ZBTB20: variants seen among roughly 807,000 people sequenced by gnomAD.
ZBTB20 encodes zinc finger and BTB domain containing 20.
A neutral mutation model predicts 56.9 loss-of-function variants in ZBTB20; 9 were observed. That is an observed-to-expected ratio of 0.16 (90% CI 0.10 to 0.28). The LOEUF (loss-of-function observed/expected upper bound fraction) is 0.28. ZBTB20 is among the 10% of genes least tolerant of loss of function. ZBTB20 has a pLI of 1.00. For missense variants in ZBTB20, 655 were observed against 1,003.0 expected (o/e 0.65, Z 4.69); for synonymous variants, 417 against 420.7 (o/e 0.99, Z 0.11).
At chr3:114,570,325 T>C (rs114712971) in intron 6 of ZBTB20, among the ~76,000 whole-genome samples, 14,255 of 151,790 alleles carry the variant, frequency 0.094, 797 homozygotes, top group African/African-American at 0.14. Flanking sequence ...CTGCCACTTA[T>C]TGAGTAAATA....
intron 1 of ZBTB20, among the ~76,000 whole-genome samples, chr3:115,095,329 GT>G (rs2083340958): frequency 6.6e-6 from 1 of 152,066 alleles, no homozygotes. Context: ...GGTTGCATTG[GT>G]TAACTGAACT....
intron 1 of ZBTB20, among the ~76,000 whole-genome samples, chr3:115,086,732 A>G (rs1456617321): frequency 1.3e-5 from 2 of 151,794 alleles, no homozygotes; most frequent in Non-Finnish European, 2.9e-5. Flanking sequence ...TTTCCAAATC[A>G]AAATTTAGAG....
At chr3:114,482,374 C>T (rs994180356) in intron 7 of ZBTB20, among the ~76,000 whole-genome samples, 3 of 152,118 alleles carry the variant, frequency 2.0e-5, no homozygotes, top group Non-Finnish European at 4.4e-5. Flanking sequence ...TTTCATATTG[C>T]ATTTGGATGG....
intron 2 of ZBTB20, among the ~76,000 whole-genome samples, chr3:115,010,078 A>C (rs540980892): frequency 6.6e-5 from 10 of 151,986 alleles, no homozygotes; most frequent in Non-Finnish European, 1.2e-4. Context: ...GCAAAAAACA[A>C]AACAATGAGC....
At chr3:114,986,851 T>C (rs181101548) in intron 2 of ZBTB20, among the ~76,000 whole-genome samples, 26 of 152,288 alleles carry the variant, frequency 1.7e-4, no homozygotes, top group African/African-American at 5.8e-4. Flanking sequence ...TTAGCAATGT[T>C]ATCATTTTCT....
chr3:114,744,793 T>C (rs1214501513), intron 5 of ZBTB20, among the ~76,000 whole-genome samples: 1 of 152,144 alleles, frequency 6.6e-6, no homozygotes, highest in Admixed American at 6.5e-5. Flanking sequence ...TGGTAAAATA[T>C]TGTTCAAAAT....
intron 5 of ZBTB20, among the ~76,000 whole-genome samples, chr3:114,789,766 T>C (rs905103435): frequency 2.0e-5 from 3 of 152,144 alleles, no homozygotes; most frequent in Non-Finnish European, 2.9e-5. Context: ...ATAAAACTTA[T>C]ACTAGAACAA....
intron 7 of ZBTB20, among the ~76,000 whole-genome samples, chr3:114,443,598 G>A (rs2091068620): frequency 6.6e-6 from 1 of 152,168 alleles, no homozygotes; most frequent in African/African-American, 2.4e-5. Flanking sequence ...ATTTTTATTA[G>A]GTTCCTGTTA....
intron 7 of ZBTB20, among the ~76,000 whole-genome samples, chr3:114,410,336 G>C (rs981162778): frequency 6.6e-6 from 1 of 151,992 alleles, no homozygotes; most frequent in African/African-American, 2.4e-5. Flanking sequence ...ACCGTATCCA[G>C]AGGTACTATT....
chr3:114,731,359 C>A (rs1388581913), intron 5 of ZBTB20, among the ~76,000 whole-genome samples: 3 of 152,092 alleles, frequency 2.0e-5, no homozygotes, highest in Admixed American at 6.5e-5. Flanking sequence ...AATATAAAGG[C>A]AATATCTTGC....
At chr3:114,534,708 CACTT>C (rs2048263492) in intron 6 of ZBTB20, among the ~76,000 whole-genome samples, 2 of 152,318 alleles carry the variant, frequency 1.3e-5, no homozygotes, top group Admixed American at 1.3e-4. Context: ...CACCATATCA[CACTT>C]ACTCTAAAAC....
chr3:115,019,194 G>T (rs1188031775), intron 2 of ZBTB20, among the ~76,000 whole-genome samples: 1 of 151,218 alleles, frequency 6.6e-6, no homozygotes, highest in Admixed American at 6.6e-5. Context: ...TTATATAGCA[G>T]TTTAAATCTG....
chr3:114,863,050 G>A (rs2075603554), intron 4 of ZBTB20, among the ~76,000 whole-genome samples: 1 of 152,098 alleles, frequency 6.6e-6, no homozygotes, highest in South Asian at 2.1e-4. Flanking sequence ...ATGCAATTAT[G>A]AGGCAAGATT....
At chr3:115,067,050 A>G (rs2082232641) in intron 2 of ZBTB20, among the ~76,000 whole-genome samples, 1 of 152,106 alleles carries the variant, frequency 6.6e-6, no homozygotes, top group Admixed American at 6.6e-5. Flanking sequence ...AAATATGACC[A>G]TAACAATAAT....
chr3:114,790,602 T>G (rs2070883135), intron 5 of ZBTB20, among the ~76,000 whole-genome samples: 1 of 151,966 alleles, frequency 6.6e-6, no homozygotes, highest in South Asian at 2.1e-4. Flanking sequence ...TTTTTTTTTT[T>G]TTTTTACAAA....
intron 3 of ZBTB20, among the ~76,000 whole-genome samples, chr3:114,906,976 T>C (rs1207820967): frequency 6.6e-6 from 1 of 151,840 alleles, no homozygotes; most frequent in Non-Finnish European, 1.5e-5. Context: ...ATAAATAAAA[T>C]AATTGCTACT....
At chr3:114,637,696 T>C (rs1223562101) in intron 6 of ZBTB20, among the ~76,000 whole-genome samples, 1 of 152,194 alleles carries the variant, frequency 6.6e-6, no homozygotes, top group South Asian at 2.1e-4. Flanking sequence ...TGTGAGACAG[T>C]AGGAATAAGA....
intron 1 of ZBTB20, among the ~76,000 whole-genome samples, chr3:115,145,201 T>C (rs2084928123): frequency 6.6e-6 from 1 of 152,198 alleles, no homozygotes; most frequent in Non-Finnish European, 1.5e-5. Context: ...TGCAACAACT[T>C]TGATATATTC....
chr3:115,072,345 A>C (rs2082439866), intron 1 of ZBTB20, among the ~76,000 whole-genome samples: 1 of 152,214 alleles, frequency 6.6e-6, no homozygotes, highest in African/African-American at 2.4e-5. Flanking sequence ...TATACCAAGT[A>C]GCATGCTGGT....
Sources: allele counts gnomAD v4.1 joint callset (sites outside exome capture counted in the v4.1 genomes callset), GRCh38; gene constraint gnomAD v4.1.1; transcripts MANE v1.5; gene names NCBI Gene and HGNC (gene_info 2026-07-23, HGNC 2026-07-21).